The following SMIM8 variants were observed in gnomAD, a reference collection of about 807,000 sequenced individuals.
The protein encoded by SMIM8 is small integral membrane protein 8.
In SMIM8, 8 loss-of-function variants were observed where a neutral mutation model predicts 8.1. The observed-to-expected ratio is 0.99, with a 90% CI of 0.58 to 1.78. The LOEUF is 1.78. SMIM8 is among the 40% of genes most tolerant of loss of function. SMIM8 has a pLI of 0.00. For missense variants in SMIM8, 126 were observed against 119.8 expected, an observed-to-expected ratio of 1.05 and a Z score of -0.24; for synonymous variants, 45 against 39.7, an observed-to-expected ratio of 1.13 and a Z score of -0.50.
chr6:87,322,842 A>C (rs1400624193), intron 1 of SMIM8: 1 of 152,090 alleles, frequency 6.6e-6, no homozygotes, highest in African/African-American at 2.4e-5. Flanking sequence ...CTCTGGCCCC[A>C]CAGAGCCCAT....
intron 1 of SMIM8, among the ~76,000 whole-genome samples, chr6:87,325,749 C>T (rs552230065): frequency 3.3e-4 from 50 of 152,178 alleles, no homozygotes; most frequent in African/African-American, 9.4e-4. Context: ...TGTCTCTGCC[C>T]GGCTTTCATA....
Position 87,340,170 on chromosome 6 carries a change from A to G in SMIM8, c.190A>G (p.Ile64Val), listed in dbSNP as rs191335818. ...LVTLSLCVAY[I>V]GYLHAIQENK... ...AACTCTTTCACTTTGCGTGGCATAT[A>G]TTGGTTATCTACATGCAATACAAGA... The change falls in exon 4 of 4, where the codon ATT becomes GTT. Residue 64 changes from isoleucine to valine, a missense_variant. By Grantham distance (29) the Ile-to-Val change is conservative (BLOSUM62 3). Transcript: ENST00000392863. 1 of 1,609,486 alleles carries G rather than the reference A, an allele frequency of 6.2e-7. No individual in the cohort carries two copies. Among genetic ancestry groups the G allele is most frequent in the Non-Finnish European group, 8.5e-7 (1 of 1,178,528 alleles).
intron 2 of SMIM8, among the ~76,000 whole-genome samples, chr6:87,335,488 C>A (rs1046953935): frequency 6.6e-6 from 1 of 152,046 alleles, no homozygotes; most frequent in African/African-American, 2.4e-5. Context: ...ATTTCTGAAG[C>A]CTTTGCAAGT....
At chr6:87,336,834 T>TAG (rs1777121954) in intron 2 of SMIM8, among the ~76,000 whole-genome samples, 175 bp from the exon 3 acceptor site, 1 of 148,748 alleles carries the variant, frequency 6.7e-6, no homozygotes, top group Non-Finnish European at 1.5e-5. Flanking sequence ...ATTAACAAAT[T>TAG]AAAGTTAAAG....
intron 2 of SMIM8, among the ~76,000 whole-genome samples, chr6:87,334,596 G>T (rs75815464): frequency 6.6e-6 from 1 of 151,988 alleles, no homozygotes; most frequent in Non-Finnish European, 1.5e-5. Context: ...GAGCCACCCC[G>T]CCCAGCCTGA....
intron 2 of SMIM8, among the ~76,000 whole-genome samples, chr6:87,333,209 C>T (rs1337239526): frequency 6.6e-6 from 1 of 152,080 alleles, no homozygotes; most frequent in Non-Finnish European, 1.5e-5. Context: ...AGGTGCTAGG[C>T]TCTTTTTAAC....
intron 3 of SMIM8, among the ~76,000 whole-genome samples, chr6:87,338,906 C>CT (rs58307492): frequency 0.082 from 9,497 of 115,884 alleles, 988 homozygotes; most frequent in African/African-American, 0.22. Context: ...TATTTAAAAG[C>CT]TTTTTTTTTT....
At chr6:87,326,774 C>T (rs564681985) in intron 1 of SMIM8, among the ~76,000 whole-genome samples, 41 of 119,064 alleles carry the variant, frequency 3.4e-4, no homozygotes, top group African/African-American at 1.2e-3. Context: ...CTGTAGATGT[C>T]TATTAGGTCT....
At chr6:87,335,845 CAAAAAAAAAAAA>C (rs35840147) in intron 2 of SMIM8, among the ~76,000 whole-genome samples, 2 of 55,962 alleles carry the variant, frequency 3.6e-5, no homozygotes, top group African/African-American at 7.3e-5. Flanking sequence ...CCGTCCCTAC[CAAAAAAAAAAAA>C]AAAAAAAAAA....
At chr6:87,329,272 C>T (rs1018218859) in intron 1 of SMIM8, 1 of 152,944 alleles carries the variant, frequency 6.5e-6, no homozygotes, top group African/African-American at 2.4e-5. Flanking sequence ...CATCTTGGCT[C>T]CTCCCCTCTT....
chr6:87,328,699 CTTT>C (rs1039031260), intron 1 of SMIM8, among the ~76,000 whole-genome samples: 5 of 152,220 alleles, frequency 3.3e-5, no homozygotes, highest in African/African-American at 1.2e-4. Flanking sequence ...ATACTGCTGT[CTTT>C]TTGTTTGTCT....
In SMIM8 at chr6:87,341,105, A is replaced by G. The variant is rs1777224056; in HGVS notation, c.*831A>G. The G allele has an allele frequency of 2.5e-6, 1 of 393,356 alleles. No homozygotes were observed. Among genetic ancestry groups the G allele is most frequent in the East Asian group, 3.6e-5 (1 of 27,632 alleles). 24.4% of individuals were successfully genotyped at this position (393,356 alleles called of 1,614,324 possible). On this transcript the variant is annotated 3_prime_UTR_variant, in exon 4 of 4. Coordinates refer to ENST00000392863, the MANE Select transcript of SMIM8 (RefSeq NM_001042493.3). ...TATAAACATAAGACCAAGTGTTCTTATAGTTATTTAAAAACTACAACTACT... is the reference window on the plus strand; with the variant it reads ...TATAAACATAAGACCAAGTGTTCTTGTAGTTATTTAAAAACTACAACTACT...
At chr6:87,331,715 T>C (rs1023831796) in intron 2 of SMIM8, among the ~76,000 whole-genome samples, 5 of 152,070 alleles carry the variant, frequency 3.3e-5, no homozygotes, top group African/African-American at 1.2e-4. Flanking sequence ...TAGATGGTTG[T>C]TAAAAAGTCT....
chr6:87,323,544 G>A (rs1262394639), intron 1 of SMIM8, among the ~76,000 whole-genome samples: 1 of 151,206 alleles, frequency 6.6e-6, no homozygotes. Context: ...TTGTTCTTGC[G>A]ATAGTTTACT....
rs931563884 is a variant in SMIM8 at position 87,336,947 on chromosome 6, T to G, written c.-23-62T>G. The G allele has an allele frequency of 2.2e-6, 3 of 1,341,556 alleles. No individual in the cohort carries two copies. The African/African-American group carries it at 4.4e-5, about 20-fold the overall frequency. 83.1% of individuals were successfully genotyped at this position (1,341,556 alleles called of 1,614,324 possible). ...AAAGAAGGAATTTAAGAATTACTTTTTAAAGAAATTTATCAGAGAAGCACA... is the reference window on the plus strand; with the variant it reads ...AAAGAAGGAATTTAAGAATTACTTTGTAAAGAAATTTATCAGAGAAGCACA... On this transcript the variant is annotated intron_variant, in intron 2 of 3. Transcript: ENST00000392863.
In SMIM8 at chr6:87,330,685, G is replaced by A. The variant is rs1408301895; in HGVS notation, c.-44-7G>A. On this transcript the variant is annotated splice_polypyrimidine_tract_variant and splice_region_variant and intron_variant, in intron 1 of 3. Transcript: ENST00000392863. ...CTTCCTTTTTCCATTGCACGCTTCC[G>A]TCACAGGAGGATGGACAGAAGAAAA... 2 of 152,012 alleles carry A rather than the reference G, an allele frequency of 1.3e-5. No homozygotes were observed. Among genetic ancestry groups the A allele is most frequent in the African/African-American group, 4.8e-5 (2 of 41,384 alleles). The allele number at this position is 152,012 out of a possible 1,614,324, so 9.4% of individuals were successfully genotyped here.
intron 1 of SMIM8, among the ~76,000 whole-genome samples, chr6:87,325,976 C>T (rs200498856): frequency 4.6e-5 from 7 of 151,782 alleles, no homozygotes; most frequent in Non-Finnish European, 8.9e-5. Flanking sequence ...GATTCAACTT[C>T]TTCCTAGTTT....
At chr6:87,337,861 TA>T (rs1777146217) in intron 3 of SMIM8, among the ~76,000 whole-genome samples, 1 of 152,112 alleles carries the variant, frequency 6.6e-6, no homozygotes, top group Non-Finnish European at 1.5e-5. Context: ...CTCCTGGCCT[TA>T]AGCGATTCTC....
chr6:87,337,204 C>G, intron 3 of SMIM8, 38 bp downstream of exon 3: 1 of 1,525,356 alleles, frequency 6.6e-7, no homozygotes, highest in East Asian at 2.3e-5. Context: ...TGTGTTTAAT[C>G]CAACCAGACT....
Sources: gnomAD v4.1 joint callset for allele counts (sites outside exome capture counted in the v4.1 genomes callset) on GRCh38, gnomAD v4.1.1 for gene constraint, MANE v1.5 for transcripts, NCBI Gene and HGNC (gene_info 2026-07-23, HGNC 2026-07-21) for gene names.